TAS2R1: variants seen among roughly 807,000 people sequenced by gnomAD.
TAS2R1 encodes taste receptor type 2 member 1.
For synonymous variants in TAS2R1, 141 were observed against 134.2 expected, an observed-to-expected ratio of 1.05 and a Z score of -0.35; for missense variants, 370 against 353.4, an observed-to-expected ratio of 1.05 and a Z score of -0.38.
At chr5:9,638,335 G>A (rs532992949) in intron 2 of TAS2R1, among the ~76,000 whole-genome samples, 3 of 152,298 alleles carry the variant, frequency 2.0e-5, no homozygotes, top group South Asian at 4.1e-4. Flanking sequence ...AGGTGGCAGG[G>A]AAGTGAAGTA....
At chr5:9,848,858 T>C in the TAS2R1 span, among the ~76,000 whole-genome samples, 5 of 152,232 alleles carry the variant, frequency 3.3e-5, no homozygotes, top group African/African-American at 1.2e-4. Flanking sequence ...TGTTTTTGCC[T>C]GCAACTAATA....
chr5:9,795,340 G>A, the TAS2R1 span, among the ~76,000 whole-genome samples: 3 of 152,028 alleles, frequency 2.0e-5, no homozygotes, highest in African/African-American at 4.8e-5. Flanking sequence ...TTCCCCTTGG[G>A]GCTAGAGGAC....
chr5:9,726,995 C>T, the TAS2R1 span, among the ~76,000 whole-genome samples: 2 of 152,154 alleles, frequency 1.3e-5, no homozygotes, highest in Admixed American at 1.3e-4. Context: ...GGAATGTGTA[C>T]ATGGTATTGC....
intron 1 of TAS2R1, among the ~76,000 whole-genome samples, chr5:9,672,706 T>C (rs554899061): frequency 6.6e-6 from 1 of 152,190 alleles, no homozygotes; most frequent in Non-Finnish European, 1.5e-5. Flanking sequence ...GTTCAGTCAT[T>C]GTGAAAAGCA....
the TAS2R1 span, among the ~76,000 whole-genome samples, chr5:9,728,148 C>T: frequency 1.3e-5 from 2 of 152,074 alleles, no homozygotes; most frequent in African/African-American, 4.8e-5. Context: ...AATTGTTAGA[C>T]TACATTTCTA....
the TAS2R1 span, among the ~76,000 whole-genome samples, chr5:9,874,905 C>CTT: frequency 6.6e-6 from 1 of 152,136 alleles, no homozygotes; most frequent in Admixed American, 6.5e-5. Flanking sequence ...TTAAACTTCC[C>CTT]CCAAAAGTAA....
At chr5:9,740,581 A>G in the TAS2R1 span, among the ~76,000 whole-genome samples, 1 of 152,230 alleles carries the variant, frequency 6.6e-6, no homozygotes, top group African/African-American at 2.4e-5. Flanking sequence ...GTGCATTGTG[A>G]TGTCCATTAA....
At chr5:9,711,033 A>G (rs1741725199) in intron 1 of TAS2R1, among the ~76,000 whole-genome samples, 1 of 150,708 alleles carries the variant, frequency 6.6e-6, no homozygotes, top group South Asian at 2.1e-4. Flanking sequence ...TGCGGAGAAT[A>G]GAAACCCTTG....
chr5:9,753,461 G>C, the TAS2R1 span, among the ~76,000 whole-genome samples: 1 of 152,106 alleles, frequency 6.6e-6, no homozygotes, highest in African/African-American at 2.4e-5. Context: ...TTTGTCAGAT[G>C]AGTAGATTGC....
the TAS2R1 span, among the ~76,000 whole-genome samples, chr5:9,738,788 C>T: frequency 6.6e-6 from 1 of 152,124 alleles, no homozygotes; most frequent in Non-Finnish European, 1.5e-5. Flanking sequence ...AGGAAGCCCA[C>T]AGAGAACCAG....
At chr5:9,808,136 A>T in the TAS2R1 span, among the ~76,000 whole-genome samples, 1 of 152,204 alleles carries the variant, frequency 6.6e-6, no homozygotes, top group African/African-American at 2.4e-5. Flanking sequence ...AAGACTCAGA[A>T]AGAAAAGAAG....
the TAS2R1 span, among the ~76,000 whole-genome samples, chr5:9,833,787 G>T: frequency 6.6e-6 from 1 of 152,096 alleles, no homozygotes; most frequent in Non-Finnish European, 1.5e-5. Flanking sequence ...AAGAATAGTT[G>T]AATATTGGTA....
chr5:9,888,337 C>T, the TAS2R1 span, among the ~76,000 whole-genome samples: 1 of 152,084 alleles, frequency 6.6e-6, no homozygotes, highest in Non-Finnish European at 1.5e-5. Context: ...ACAAAGAGTG[C>T]ATCTCCAAAA....
chr5:9,676,218 A>T (rs1740872004), intron 1 of TAS2R1, among the ~76,000 whole-genome samples: 1 of 152,186 alleles, frequency 6.6e-6, no homozygotes, highest in Admixed American at 6.5e-5. Context: ...CATGAGTATG[A>T]TACTTTTGAT....
At chr5:9,775,453 G>A in the TAS2R1 span, among the ~76,000 whole-genome samples, 2 of 151,826 alleles carry the variant, frequency 1.3e-5, no homozygotes, top group Non-Finnish European at 2.9e-5. Flanking sequence ...TACCTGAGGT[G>A]CAAGACAATG....
intron 2 of TAS2R1, among the ~76,000 whole-genome samples, chr5:9,647,801 T>C (rs1299752887): frequency 1.3e-5 from 2 of 152,194 alleles, no homozygotes; most frequent in African/African-American, 4.8e-5. Context: ...TGTCTTGTTA[T>C]CGTTAAGTAC....
At chr5:9,846,647 C>T in the TAS2R1 span, among the ~76,000 whole-genome samples, 2 of 151,734 alleles carry the variant, frequency 1.3e-5, no homozygotes, top group Admixed American at 1.3e-4. Context: ...AAAATATCTG[C>T]TCATGTCTAA....
chr5:9,802,898 G>A, the TAS2R1 span, among the ~76,000 whole-genome samples: 49 of 152,138 alleles, frequency 3.2e-4, no homozygotes, highest in African/African-American at 9.4e-4. Context: ...GCGAGACTCC[G>A]TCTAAAAATA....
At chr5:9,838,290 C>T in the TAS2R1 span, among the ~76,000 whole-genome samples, 1 of 152,170 alleles carries the variant, frequency 6.6e-6, no homozygotes, top group East Asian at 1.9e-4. Context: ...CATCCTCACC[C>T]TTCTCCAGGC....
Sources: gnomAD v4.1 joint callset for allele counts (sites outside exome capture counted in the v4.1 genomes callset) on GRCh38, gnomAD v4.1.1 for gene constraint, MANE v1.5 for transcripts, NCBI Gene and HGNC (gene_info 2026-07-23, HGNC 2026-07-21) for gene names.